ROBO2: variants seen among roughly 807,000 people sequenced by gnomAD.
ROBO2 encodes roundabout guidance receptor 2.
ROBO2 carries 53 observed loss-of-function variants against 160.8 expected under a neutral mutation model. The observed-to-expected ratio is 0.33, with a 90% CI of 0.26 to 0.41. The LOEUF (loss-of-function observed/expected upper bound fraction) is 0.41. ROBO2 is among the 10% of genes least tolerant of loss of function. The pLI, the probability that ROBO2 is intolerant of heterozygous loss-of-function variation, is 1.00. For missense variants in ROBO2, 1,577 were observed against 1,722.4 expected (o/e 0.92, Z 1.49); for synonymous variants, 664 against 611.7 (o/e 1.09, Z -1.26).
chr3:76,807,548 CTCA>C (rs1188268652), intron 2 of ROBO2, among the ~76,000 whole-genome samples: 1 of 151,880 alleles, frequency 6.6e-6, no homozygotes, highest in Non-Finnish European at 1.5e-5. Context: ...TGAATATTAC[CTCA>C]TCATCTTTTA....
rs556788759 is a variant in ROBO2, at chr3:77,340,829, T to C, written c.389-136585T>C. 3.3e-5 allele frequency among the ~76,000 whole-genome samples: 5 copies of C among 152,230 alleles called. No homozygotes were observed. The South Asian group carries it at 8.3e-4, about 25-fold the overall frequency. ...ATTTCATATGGCAGCCAGTAATGGC[T>C]TGATACAGAATAATTAGCTAACAAT... On this transcript the variant is annotated intron_variant, in intron 2 of 25. Transcript: ENST00000461745.
chr3:75,999,042 A>T (rs2065808240), intron 2 of ROBO2, among the ~76,000 whole-genome samples: 1 of 152,176 alleles, frequency 6.6e-6, no homozygotes, highest in Non-Finnish European at 1.5e-5. Flanking sequence ...GGTAGAGTGT[A>T]GTGAATAGTC....
At chr3:77,641,232 C>A (rs139822513) in intron 24 of ROBO2, among the ~76,000 whole-genome samples, 186 of 152,286 alleles carry the variant, frequency 1.2e-3, no homozygotes, top group Non-Finnish European at 1.9e-3. Flanking sequence ...GAAACAGAGA[C>A]CCTGTTCCCT....
At chr3:76,905,935 G>A in intron 2 of ROBO2, among the ~76,000 whole-genome samples, 1 of 152,084 alleles carries the variant, frequency 6.6e-6, no homozygotes, top group South Asian at 2.1e-4. Context: ...TCTCTTAATG[G>A]CTTTATTTTT....
chr3:76,952,659 C>A (rs2079028287), intron 2 of ROBO2, among the ~76,000 whole-genome samples: 1 of 151,968 alleles, frequency 6.6e-6, no homozygotes, highest in South Asian at 2.1e-4. Context: ...CACATATTTT[C>A]ATCTATATAG....
chr3:76,782,029 C>A (rs2062677597), intron 2 of ROBO2, among the ~76,000 whole-genome samples: 1 of 150,660 alleles, frequency 6.6e-6, no homozygotes, highest in Non-Finnish European at 1.5e-5. Flanking sequence ...ATTACGGATT[C>A]AGTCTACTTG....
intron 2 of ROBO2, among the ~76,000 whole-genome samples, chr3:76,192,368 CT>C (rs1330956933): frequency 1.3e-5 from 2 of 151,996 alleles, no homozygotes; most frequent in African/African-American, 4.8e-5. Context: ...TCTTTCAAAC[CT>C]TTCCTTTCAA....
At chr3:77,572,682 G>A (rs2093667629) in intron 13 of ROBO2, among the ~76,000 whole-genome samples, 1 of 150,314 alleles carries the variant, frequency 6.7e-6, no homozygotes, top group Admixed American at 6.7e-5. Context: ...CTTAATTGAG[G>A]GAGTTTTCTC....
intron 2 of ROBO2, among the ~76,000 whole-genome samples, chr3:76,257,725 A>T (rs1706490672): frequency 6.6e-6 from 1 of 151,504 alleles, no homozygotes; most frequent in African/African-American, 2.4e-5. Context: ...GCATACAGTT[A>T]TTTCTGTACT....
intron 8 of ROBO2, among the ~76,000 whole-genome samples, chr3:77,554,665 A>G (rs980836292): frequency 2.6e-5 from 4 of 151,982 alleles, no homozygotes; most frequent in African/African-American, 9.7e-5. Flanking sequence ...ACAAATAGCA[A>G]AAGAACTAGA....
At chr3:76,038,162 A>T (rs1410432611) in intron 2 of ROBO2, among the ~76,000 whole-genome samples, 1 of 152,052 alleles carries the variant, frequency 6.6e-6, no homozygotes, top group Non-Finnish European at 1.5e-5. Flanking sequence ...GAAGATCATG[A>T]GTAGAATTCT....
intron 2 of ROBO2, among the ~76,000 whole-genome samples, chr3:76,921,874 A>G (rs1004728098): frequency 2.6e-5 from 4 of 152,330 alleles, no homozygotes; most frequent in East Asian, 1.9e-4. Flanking sequence ...TTGTATAATT[A>G]TCCAGCATTT....
chr3:77,057,373 A>T (rs2065859336), intron 1 of ROBO2, among the ~76,000 whole-genome samples: 1 of 152,058 alleles, frequency 6.6e-6, no homozygotes, highest in Admixed American at 6.6e-5. Flanking sequence ...TGACGAGTTA[A>T]TGGGTGCAGC....
At chr3:75,996,877 C>T (rs1386191921) in intron 2 of ROBO2, among the ~76,000 whole-genome samples, 5 of 152,030 alleles carry the variant, frequency 3.3e-5, no homozygotes, top group African/African-American at 7.2e-5. Flanking sequence ...ATATGTAAAT[C>T]TTCACTACTC....
intron 2 of ROBO2, among the ~76,000 whole-genome samples, chr3:76,524,278 A>T (rs548863364): frequency 6.6e-6 from 1 of 152,018 alleles, no homozygotes; most frequent in Non-Finnish European, 1.5e-5. Flanking sequence ...AACATTTACT[A>T]AAGAGTAGTG....
At chr3:76,377,878 T>C (rs75060183) in intron 2 of ROBO2, among the ~76,000 whole-genome samples, 142 of 152,266 alleles carry the variant, frequency 9.3e-4, no homozygotes, top group African/African-American at 3.3e-3. Flanking sequence ...TTGATTACAC[T>C]GTCATCAGTA....
chr3:77,117,778 G>A lies in ROBO2; in HGVS notation c.388+19438G>A, dbSNP rs138276447. On this transcript the variant is annotated intron_variant, in intron 2 of 25. Coordinates refer to ENST00000461745, the Ensembl canonical transcript of ROBO2. ...AATCTTTCATGTGATTATCCCTAAG[G>A]CTTTATACTCCTTGCACCTAATGGC... Among the ~76,000 whole-genome samples the A allele has an allele frequency of 7.1e-4, 108 of 152,114 alleles. No individual in the cohort carries two copies. In the East Asian group the frequency reaches 0.01, roughly 14 times the overall value.
chr3:76,613,274 G>C (rs945025890), intron 2 of ROBO2, among the ~76,000 whole-genome samples: 15 of 151,920 alleles, frequency 9.9e-5, no homozygotes, highest in African/African-American at 3.4e-4. Context: ...TGTGTCCACT[G>C]TCATATGCTT....
intron 2 of ROBO2, among the ~76,000 whole-genome samples, chr3:77,152,409 T>C (rs902001434): frequency 1.3e-5 from 2 of 152,236 alleles, no homozygotes; most frequent in African/African-American, 4.8e-5. Flanking sequence ...ATACTGAATC[T>C]TTGAAACCCA....
Sources: gnomAD v4.1 joint callset for allele counts (sites outside exome capture counted in the v4.1 genomes callset) on GRCh38, gnomAD v4.1.1 for gene constraint, MANE v1.5 for transcripts, NCBI Gene and HGNC (gene_info 2026-07-23, HGNC 2026-07-21) for gene names.